The following RBFOX1 variants were observed in gnomAD, a reference collection of about 807,000 sequenced individuals.
RBFOX1 encodes the protein RNA binding protein fox-1 homolog 1.
A neutral mutation model predicts 57.7 loss-of-function variants in RBFOX1; 8 were observed. That is an observed-to-expected ratio of 0.14 (90% CI 0.08 to 0.25). RBFOX1 has a LOEUF of 0.25. RBFOX1 is among the 10% of genes least tolerant of loss of function. The pLI, the probability that RBFOX1 is intolerant of heterozygous loss-of-function variation, is 1.00. For missense variants in RBFOX1, 611 were observed against 548.5 expected, an observed-to-expected ratio of 1.11 and a Z score of -1.14; for synonymous variants, 326 against 222.4, an observed-to-expected ratio of 1.47 and a Z score of -4.15.
At chr16:5,940,393 A>C (rs144899552) in intron 4 of RBFOX1, among the ~76,000 whole-genome samples, 247 of 152,228 alleles carry the variant, frequency 1.6e-3, no homozygotes, top group African/African-American at 5.6e-3. Flanking sequence ...TGATCCTCCT[A>C]TTAGCCCTGT....
chr16:7,511,327 C>A (rs1344264483), intron 4 of RBFOX1, among the ~76,000 whole-genome samples: 2 of 152,112 alleles, frequency 1.3e-5, no homozygotes, highest in Non-Finnish European at 2.9e-5. Context: ...CCACTCAGGG[C>A]AACGAATGGG....
intron 2 of RBFOX1, among the ~76,000 whole-genome samples, chr16:5,525,634 A>T (rs2044215967): frequency 6.6e-6 from 1 of 150,486 alleles, no homozygotes; most frequent in Non-Finnish European, 1.5e-5. Context: ...AGTAGCTGGG[A>T]TTACAGGCTC....
rs907900771 is a variant in RBFOX1 at position 7,708,927 on chromosome 16, G to A, written c.996-129G>A. 5.2e-6 allele frequency: 4 copies of A among 763,012 alleles called. No homozygotes were observed. The South Asian group carries it at 6.6e-5, about 13-fold the overall frequency. 47.3% of individuals were successfully genotyped at this position (763,012 alleles called of 1,614,324 possible). A position where few individuals can be genotyped will look rare whatever the true frequency, so the allele number is the denominator to read the frequency against. On this transcript the variant is annotated intron_variant, in intron 14 of 15. Coordinates refer to ENST00000550418, the MANE Select transcript of RBFOX1 (RefSeq NM_018723.4). ...AACTCTTCTTATACTACACAGCAGA[G>A]TAGAATTTGCTTCTCACTGGAAGAT...
At chr16:7,436,180 T>C (rs550475462) in intron 4 of RBFOX1, among the ~76,000 whole-genome samples, 1 of 152,342 alleles carries the variant, frequency 6.6e-6, no homozygotes, top group South Asian at 2.1e-4. Flanking sequence ...CCGAGGAATT[T>C]ATATTTTTTC....
At chr16:6,593,198 A>G (rs1305974965) in intron 2 of RBFOX1, among the ~76,000 whole-genome samples, 1 of 152,034 alleles carries the variant, frequency 6.6e-6, no homozygotes, top group Non-Finnish European at 1.5e-5. Flanking sequence ...GTCTCATAAA[A>G]TAAAATAAAA....
chr16:7,552,456 A>G (rs2086855344), intron 5 of RBFOX1, among the ~76,000 whole-genome samples: 2 of 152,168 alleles, frequency 1.3e-5, no homozygotes, highest in African/African-American at 4.8e-5. Flanking sequence ...GTGTCTTCAG[A>G]GAAGTTGCAG....
At position 6,019,203 on chromosome 16, in the gene RBFOX1, C is replaced by T. The variant is rs2095022630; in HGVS notation, c.-916C>T. The T allele has an allele frequency of 2.0e-6, 2 of 985,310 alleles. No homozygotes were observed. The highest frequency in any genetic ancestry group is 3.5e-5 in the African/African-American group (2 of 57,224). The allele number at this position is 985,310 out of a possible 1,614,324, so 61.0% of individuals were successfully genotyped here. A position where few individuals can be genotyped will look rare whatever the true frequency, so the allele number is the denominator to read the frequency against. On this transcript the variant is annotated 5_prime_UTR_variant, in exon 1 of 16. Transcript: ENST00000550418. This position sits in a 1 kb window ranked among gnomAD's most constrained non-coding sequence, Gnocchi z 4.2. Reference sequence around the variant, plus strand: ...TTTCCTCTTTATTCTCTCCCGCCCTCCTACAAGCGCTCTTGCTGGCCGTCT... The same window carrying T: ...TTTCCTCTTTATTCTCTCCCGCCCTTCTACAAGCGCTCTTGCTGGCCGTCT...
At chr16:6,740,460 T>C (rs2071716122) in intron 3 of RBFOX1, among the ~76,000 whole-genome samples, 2 of 152,218 alleles carry the variant, frequency 1.3e-5, no homozygotes, top group African/African-American at 2.4e-5. Flanking sequence ...CTATCCTTAT[T>C]AGTGGATTCC....
At chr16:5,607,212 G>T (rs900158972) in intron 3 of RBFOX1, among the ~76,000 whole-genome samples, 5 of 152,322 alleles carry the variant, frequency 3.3e-5, no homozygotes, top group Non-Finnish European at 5.9e-5. Context: ...AGAAAACCAA[G>T]TGTGCGGACG....
intron 2 of RBFOX1, among the ~76,000 whole-genome samples, chr16:5,580,224 G>C (rs1424854610): frequency 6.6e-6 from 1 of 152,236 alleles, no homozygotes; most frequent in Non-Finnish European, 1.5e-5. Flanking sequence ...ATGAATAACA[G>C]TTGGGCCTGA....
chr16:7,104,133 T>C (rs1034346346), intron 4 of RBFOX1, among the ~76,000 whole-genome samples: 10 of 152,160 alleles, frequency 6.6e-5, no homozygotes, highest in African/African-American at 1.7e-4. Flanking sequence ...TCTGTATCTG[T>C]ATGGAAATTA....
At chr16:7,295,304 G>A (rs560729012) in intron 4 of RBFOX1, among the ~76,000 whole-genome samples, 1 of 152,270 alleles carries the variant, frequency 6.6e-6, no homozygotes, top group African/African-American at 2.4e-5. Flanking sequence ...TGTATCTGAA[G>A]TTAGTCCTTC....
chr16:6,390,769 T>G (rs2092561136), intron 2 of RBFOX1, among the ~76,000 whole-genome samples: 1 of 152,228 alleles, frequency 6.6e-6, no homozygotes, highest in South Asian at 2.1e-4. Flanking sequence ...GGGGTTAGTT[T>G]TGAGCAGGTG....
chr16:6,872,821 C>A (rs1343903687), intron 3 of RBFOX1, among the ~76,000 whole-genome samples: 2 of 152,124 alleles, frequency 1.3e-5, no homozygotes, highest in East Asian at 3.8e-4. Flanking sequence ...TGGTTAAATT[C>A]TGTTTGGGTC....
At chr16:6,740,070 C>T (rs28788203) in intron 3 of RBFOX1, among the ~76,000 whole-genome samples, 14,696 of 152,098 alleles carry the variant, frequency 0.097, 935 homozygotes, top group African/African-American at 0.17. Context: ...TTATGCACCC[C>T]AACCTAATGA....
chr16:5,673,219 G>A (rs908958069), intron 3 of RBFOX1, among the ~76,000 whole-genome samples: 4 of 152,150 alleles, frequency 2.6e-5, no homozygotes, highest in African/African-American at 9.6e-5. Context: ...TCAAGTAGAA[G>A]TCACAGAGAA....
intron 4 of RBFOX1, among the ~76,000 whole-genome samples, chr16:7,163,914 C>T (rs952553622): frequency 6.6e-6 from 1 of 152,160 alleles, no homozygotes; most frequent in Non-Finnish European, 1.5e-5. Context: ...TCCACTTCAG[C>T]CTCCCAAAGT....
chr16:7,104,385 C>T (rs1243652228), intron 4 of RBFOX1, among the ~76,000 whole-genome samples: 2 of 152,112 alleles, frequency 1.3e-5, no homozygotes, highest in African/African-American at 4.8e-5. Flanking sequence ...TACCTCATCC[C>T]CATCAGGACA....
chr16:6,186,085 T>G (rs1263303288), intron 1 of RBFOX1, among the ~76,000 whole-genome samples: 1 of 152,100 alleles, frequency 6.6e-6, no homozygotes, highest in African/African-American at 2.4e-5. Flanking sequence ...TTGAAAAATA[T>G]TTTTTTCTGA....
Sources: allele counts gnomAD v4.1 joint callset (sites outside exome capture counted in the v4.1 genomes callset), GRCh38; gene constraint gnomAD v4.1.1; non-coding constraint Gnocchi (gnomAD v3.1); transcripts MANE v1.5; gene names NCBI Gene and HGNC (gene_info 2026-07-23, HGNC 2026-07-21).